The following COL21A1 variants were observed in gnomAD, a reference collection of about 807,000 sequenced individuals.
COL21A1 encodes collagen alpha-1(XXI) chain.
Under a neutral mutation model 137.9 loss-of-function variants are expected in COL21A1, and 149 were observed. That is an observed-to-expected ratio of 1.08 (90% CI 0.95 to 1.24). The LOEUF is 1.24. Ranked by LOEUF, COL21A1 falls within the 50% of genes most tolerant of loss-of-function variation. The pLI is 0.00. For missense variants in COL21A1, 1,167 were observed against 1,158.4 expected, an observed-to-expected ratio of 1.01 and a Z score of -0.11; for synonymous variants, 456 against 391.5, an observed-to-expected ratio of 1.16 and a Z score of -1.95.
At chr6:56,318,386 T>C (rs1005729266) in intron 1 of COL21A1, among the ~76,000 whole-genome samples, 10 of 152,156 alleles carry the variant, frequency 6.6e-5, no homozygotes, top group East Asian at 1.9e-4. Flanking sequence ...AGAAGTCCAA[T>C]TGGACTTCCT....
chr6:56,380,356 C>T (rs998153918), intron 1 of COL21A1, among the ~76,000 whole-genome samples: 17 of 152,162 alleles, frequency 1.1e-4, no homozygotes, highest in Non-Finnish European at 2.9e-5. Flanking sequence ...CTCAGGTATT[C>T]TTTTATAGCA....
chr6:56,282,412 GA>G (rs1763805767), intron 1 of COL21A1, among the ~76,000 whole-genome samples: 1 of 151,956 alleles, frequency 6.6e-6, no homozygotes, highest in South Asian at 2.1e-4. Flanking sequence ...AATATTCCCA[GA>G]AAAAAACTAA....
chr6:56,200,222 C>A lies in COL21A1; in HGVS notation c.-38-17566G>T, dbSNP rs376539618. Among the ~76,000 whole-genome samples the A allele has an allele frequency of 4.6e-5, 7 of 152,124 alleles. No homozygotes were observed. The East Asian group carries it at 1.3e-3, about 29-fold the overall frequency. On this transcript the variant is annotated intron_variant, in intron 1 of 29. Transcript: ENST00000244728. ...AAAGTAAAGTAGCATGATTCACAAG[C>A]ATTATGTTCAGTTTAGAATTGTTTT...
At chr6:56,339,359 C>T (rs1012928627) in intron 1 of COL21A1, among the ~76,000 whole-genome samples, 15 of 109,100 alleles carry the variant, frequency 1.4e-4, no homozygotes, top group Non-Finnish European at 2.7e-4. Flanking sequence ...TAATAAAAAC[C>T]TCCTACAGTG....
intron 1 of COL21A1, among the ~76,000 whole-genome samples, chr6:56,252,973 G>A (rs999269039): frequency 6.6e-6 from 1 of 152,168 alleles, no homozygotes; most frequent in Admixed American, 6.5e-5. Flanking sequence ...ATAAATCGAA[G>A]AGCCTAATAC....
intron 9 of COL21A1, among the ~76,000 whole-genome samples, chr6:56,158,266 C>CTTTTTTTTTTTTTTTTTTTTTTTTT (rs67453245): frequency 8.0e-5 from 5 of 62,402 alleles, no homozygotes; most frequent in Non-Finnish European, 8.3e-5. Flanking sequence ...TTTTTTTTTT[C>CTTTTTTTTTTTTTTTTTTTTTTTTT]TTTTTTTTTT....
rs768871995 is a variant in COL21A1 at position 56,168,225 on chromosome 6, C to T, written c.1099G>A (p.Asp367Asn). The T allele has an allele frequency of 1.5e-5, 24 of 1,570,976 alleles. No individual in the cohort carries two copies. The highest frequency in any genetic ancestry group is 2.0e-5 in the Non-Finnish European group (23 of 1,155,636). ...AAGGGCTTGTTTTCAATTTGTTGGT[C>T]ATCAATATACAAAGTCACATCTTGT... ...TEQDVTLYID[D>N]QQIENKPLHP... The change falls in exon 6 of 30, where the codon GAC becomes AAC. Residue 367 changes from aspartate to asparagine, a missense_variant. By Grantham distance (23) the Asp-to-Asn change is conservative. Transcript: ENST00000244728.
At chr6:56,195,606 A>C (rs894935766) in intron 1 of COL21A1, among the ~76,000 whole-genome samples, 1 of 152,164 alleles carries the variant, frequency 6.6e-6, no homozygotes, top group Non-Finnish European at 1.5e-5. Flanking sequence ...TGAGACTACT[A>C]TAAAAATTAT....
At chr6:56,122,093 G>A (rs6927562) in intron 16 of COL21A1, among the ~76,000 whole-genome samples, 83,657 of 151,820 alleles carry the variant, frequency 0.55, 23,368 homozygotes, top group East Asian at 0.79. Flanking sequence ...AAGTACTACC[G>A]ATACAAGCCA....
intron 1 of COL21A1, among the ~76,000 whole-genome samples, chr6:56,339,535 G>GTTGA (rs1188343083): frequency 6.7e-6 from 1 of 148,626 alleles, no homozygotes; most frequent in Non-Finnish European, 1.5e-5. Context: ...AATTTATGTT[G>GTTGA]TTGATAGTCA....
chr6:56,277,423 C>A (rs1295176162), intron 1 of COL21A1, among the ~76,000 whole-genome samples: 4 of 152,108 alleles, frequency 2.6e-5, no homozygotes, highest in East Asian at 3.8e-4. Flanking sequence ...AAATTAAATT[C>A]TTTAATACTT....
At chr6:56,078,778 T>C (rs1477713593) in intron 17 of COL21A1, among the ~76,000 whole-genome samples, 1 of 151,650 alleles carries the variant, frequency 6.6e-6, no homozygotes, top group Non-Finnish European at 1.5e-5. Context: ...CACTTCACTA[T>C]ACCATTTGCA....
At chr6:56,184,799 TA>T (rs1213177466) in intron 1 of COL21A1, among the ~76,000 whole-genome samples, 3 of 152,174 alleles carry the variant, frequency 2.0e-5, no homozygotes, top group African/African-American at 4.8e-5. Flanking sequence ...TGCTTTTTAT[TA>T]AAAATGTAAC....
At chr6:56,121,551 T>G (rs1348281266) in intron 16 of COL21A1, among the ~76,000 whole-genome samples, 1 of 139,580 alleles carries the variant, frequency 7.2e-6, no homozygotes, top group Non-Finnish European at 1.5e-5. Flanking sequence ...TATATTCATA[T>G]GTATATGTGT....
At chr6:56,146,827 T>A (rs1262558901) in intron 10 of COL21A1, among the ~76,000 whole-genome samples, 1 of 152,124 alleles carries the variant, frequency 6.6e-6, no homozygotes, top group Non-Finnish European at 1.5e-5. Context: ...TACTTCAAAT[T>A]AAAGAAAACT....
intron 1 of COL21A1, among the ~76,000 whole-genome samples, chr6:56,375,460 C>T (rs74679641): frequency 0.012 from 1,762 of 152,266 alleles, 30 homozygotes; most frequent in African/African-American, 0.038. Flanking sequence ...GGCCAGATGA[C>T]AGCTCTCACC....
chr6:56,248,635 A>G (rs1782766813), upstream of COL21A1, among the ~76,000 whole-genome samples: 1 of 152,240 alleles, frequency 6.6e-6, no homozygotes, highest in African/African-American at 2.4e-5. Context: ...AAGGTGCTCA[A>G]TAAATATTGG....
intron 1 of COL21A1, among the ~76,000 whole-genome samples, chr6:56,347,329 C>G (rs1247932909): frequency 1.3e-5 from 2 of 152,018 alleles, no homozygotes; most frequent in East Asian, 1.9e-4. Context: ...TTTCCCACCC[C>G]CTCACCGGGA....
chr6:56,134,991 T>A (rs1388442338), intron 12 of COL21A1, among the ~76,000 whole-genome samples: 1 of 152,052 alleles, frequency 6.6e-6, no homozygotes, highest in East Asian at 1.9e-4. Context: ...AATGCTTACC[T>A]AACTTTACTC....
Sources: gnomAD v4.1 joint callset for allele counts (sites outside exome capture counted in the v4.1 genomes callset) on GRCh38, gnomAD v4.1.1 for gene constraint, MANE v1.5 for transcripts, NCBI Gene and HGNC (gene_info 2026-07-23, HGNC 2026-07-21) for gene names.